The following NAV2 variants were observed in gnomAD, a reference collection of about 807,000 sequenced individuals.
The protein encoded by NAV2 is helicase, APC down-regulated 1.
In NAV2, 54 loss-of-function variants were observed where a neutral mutation model predicts 223.2. That is an observed-to-expected ratio of 0.24 (90% CI 0.19 to 0.30). The LOEUF is 0.30. NAV2 is among the 10% of genes least tolerant of loss of function. The pLI is 1.00. For missense variants in NAV2, 2,806 were observed against 3,147.5 expected, an observed-to-expected ratio of 0.89 and a Z score of 2.60; for synonymous variants, 1,279 against 1,239.3, an observed-to-expected ratio of 1.03 and a Z score of -0.67.
intron 1 of NAV2, chr11:19,511,800 G>C (rs181190711): frequency 6.6e-6 from 1 of 152,312 alleles, no homozygotes. Flanking sequence ...CCTTCAGCCC[G>C]CACCACTGCT....
chr11:20,031,705 G>A (rs533215513), intron 11 of NAV2, among the ~76,000 whole-genome samples: 1 of 151,254 alleles, frequency 6.6e-6, no homozygotes, highest in African/African-American at 2.4e-5. Context: ...GCAGCTCTAG[G>A]CTCTATTGCA....
intron 1 of NAV2, among the ~76,000 whole-genome samples, chr11:19,822,564 T>C (rs1231620088): frequency 6.6e-6 from 1 of 152,196 alleles, no homozygotes; most frequent in Non-Finnish European, 1.5e-5. Flanking sequence ...CCACTCTTGC[T>C]GGTCACTTGC....
At chr11:20,072,491 TG>T (rs1232331333) in intron 22 of NAV2, among the ~76,000 whole-genome samples, 2 of 152,210 alleles carry the variant, frequency 1.3e-5, no homozygotes, top group Admixed American at 1.3e-4. Context: ...GGTAGCTTGA[TG>T]GGGATAGCAT....
At chr11:19,588,405 A>C (rs2045959515) in intron 1 of NAV2, among the ~76,000 whole-genome samples, 1 of 152,222 alleles carries the variant, frequency 6.6e-6, no homozygotes, top group African/African-American at 2.4e-5. Flanking sequence ...AGCTGCAAAA[A>C]TGACCCAGCT....
chr11:19,881,114 A>G (rs919466778), intron 5 of NAV2, among the ~76,000 whole-genome samples: 2 of 152,230 alleles, frequency 1.3e-5, no homozygotes, highest in Non-Finnish European at 2.9e-5. Flanking sequence ...TGGACAGAGC[A>G]CAAAGCCGCT....
At chr11:19,927,291 C>G (rs1231631942) in intron 6 of NAV2, among the ~76,000 whole-genome samples, 1 of 152,210 alleles carries the variant, frequency 6.6e-6, no homozygotes, top group East Asian at 1.9e-4. Context: ...GGCATAAGAC[C>G]TGTTTAAGGG....
chr11:19,837,478 T>C (rs1260028126), intron 2 of NAV2, among the ~76,000 whole-genome samples: 1 of 152,194 alleles, frequency 6.6e-6, no homozygotes, highest in Non-Finnish European at 1.5e-5. Flanking sequence ...TAAGCACTAA[T>C]TGGAGTATCC....
chr11:20,093,434 G>A (rs2060998168), intron 29 of NAV2, among the ~76,000 whole-genome samples: 2 of 152,022 alleles, frequency 1.3e-5, no homozygotes, highest in Non-Finnish European at 2.9e-5. Context: ...ACTAAAAATG[G>A]TCCCACGTTT....
At chr11:20,056,611 A>G (rs1276108072) in intron 19 of NAV2, 2 of 1,613,472 alleles carry the variant, frequency 1.2e-6, no homozygotes, top group South Asian at 2.2e-5. Flanking sequence ...TTGTTCCATC[A>G]CGCAAGGTAT....
chr11:19,943,170 G>A (rs557855950), intron 8 of NAV2, among the ~76,000 whole-genome samples: 25 of 152,258 alleles, frequency 1.6e-4, no homozygotes, highest in African/African-American at 6.0e-4. Context: ...AGGGCCTAGA[G>A]CTAACCTAAG....
intron 6 of NAV2, among the ~76,000 whole-genome samples, chr11:19,915,164 G>A (rs1335545777): frequency 3.9e-5 from 6 of 152,214 alleles, no homozygotes; most frequent in Non-Finnish European, 8.8e-5. Context: ...TATTTGTGGA[G>A]TCCTGACTTT....
chr11:20,079,828 C>T (rs535741771), intron 24 of NAV2, among the ~76,000 whole-genome samples: 1 of 152,162 alleles, frequency 6.6e-6, no homozygotes, highest in Non-Finnish European at 1.5e-5. Context: ...CCTACACCTC[C>T]CTTGACTTCT....
intron 5 of NAV2, among the ~76,000 whole-genome samples, chr11:19,880,626 G>A (rs574516171): frequency 9.2e-5 from 14 of 152,286 alleles, no homozygotes; most frequent in South Asian, 2.1e-4. Context: ...ATCGCCTAAC[G>A]GGAGCAGTTA....
intron 6 of NAV2, among the ~76,000 whole-genome samples, chr11:19,897,415 C>A (rs988576747): frequency 6.6e-6 from 1 of 151,958 alleles, no homozygotes; most frequent in South Asian, 2.1e-4. Flanking sequence ...TTGTAACAGG[C>A]AACTTTTCAA....
At chr11:19,895,538 A>G (rs2041906062) in intron 6 of NAV2, among the ~76,000 whole-genome samples, 1 of 152,172 alleles carries the variant, frequency 6.6e-6, no homozygotes, top group Admixed American at 6.5e-5. Flanking sequence ...CGGGGATTCA[A>G]ACTCTGGCTT....
intron 1 of NAV2, among the ~76,000 whole-genome samples, chr11:19,428,186 G>T (rs578241555): frequency 3.8e-4 from 58 of 151,448 alleles, no homozygotes; most frequent in East Asian, 3.5e-3. Flanking sequence ...GGTTTTTTTT[G>T]TTGCTGTTGT....
intron 1 of NAV2, among the ~76,000 whole-genome samples, chr11:19,634,314 A>G (rs1175902431): frequency 6.6e-6 from 1 of 152,212 alleles, no homozygotes; most frequent in African/African-American, 2.4e-5. Flanking sequence ...AAAGAAGGAA[A>G]CAACAGACCC....
intron 1 of NAV2, among the ~76,000 whole-genome samples, chr11:19,600,958 C>A (rs1256518802): frequency 6.6e-6 from 1 of 152,156 alleles, no homozygotes; most frequent in Non-Finnish European, 1.5e-5. Context: ...CATGAGAAAG[C>A]ACTTTCTAAA....
chr11:19,912,950 C>T (rs1337921099), intron 6 of NAV2, among the ~76,000 whole-genome samples: 2 of 152,216 alleles, frequency 1.3e-5, no homozygotes, highest in South Asian at 4.1e-4. Context: ...AGACCCTCCT[C>T]CTAATAAACT....
Sources: allele counts gnomAD v4.1 joint callset (sites outside exome capture counted in the v4.1 genomes callset), GRCh38; gene constraint gnomAD v4.1.1; transcripts MANE v1.5; gene names NCBI Gene and HGNC (gene_info 2026-07-23, HGNC 2026-07-21).